The following DHRS7C variants were observed in gnomAD, a reference collection of about 807,000 sequenced individuals.
The protein encoded by DHRS7C is dehydrogenase/reductase SDR family member 7C.
A neutral mutation model predicts 29.6 loss-of-function variants in DHRS7C; 28 were observed. That is an observed-to-expected ratio of 0.95 (90% confidence interval 0.70 to 1.30). The LOEUF (loss-of-function observed/expected upper bound fraction) is 1.30. DHRS7C is among the 50% of genes most tolerant of loss of function. The pLI, the probability that DHRS7C is intolerant of heterozygous loss-of-function variation, is 0.00. For missense variants in DHRS7C, 403 were observed against 393.3 expected (o/e 1.02, Z -0.21); for synonymous variants, 158 against 160.2 (o/e 0.99, Z 0.10).
chr17:9,780,797 G>T (rs963201264), intron 2 of DHRS7C, among the ~76,000 whole-genome samples: 4 of 152,190 alleles, frequency 2.6e-5, no homozygotes, highest in African/African-American at 9.7e-5. Context: ...TGAAGAAACT[G>T]GACAAGCTTA....
At chr17:9,789,481 G>C (rs925934501) in intron 1 of DHRS7C, among the ~76,000 whole-genome samples, 12 of 152,112 alleles carry the variant, frequency 7.9e-5, no homozygotes, top group African/African-American at 2.9e-4. Context: ...AGGCTGCCTG[G>C]GTGAACAAAA....
rs777650681 is a variant in DHRS7C, at chr17:9,781,461, C to T, written c.267+21G>A. ...TGGGAGTTCCCAGGAGTTACCCACG[C>T]CTACTGCTAGAAGACCTTACCTTGC... On this transcript the variant is annotated intron_variant, in intron 2 of 5. Coordinates refer to ENST00000571134, the MANE Select transcript of DHRS7C (RefSeq NM_001105571.3). The T allele has an allele frequency of 2.2e-5, 35 of 1,611,608 alleles. No homozygotes were observed. In the Middle Eastern group the frequency reaches 6.6e-4, roughly 30 times the overall value.
intron 5 of DHRS7C, among the ~76,000 whole-genome samples, chr17:9,772,019 T>C (rs538915943): frequency 6.6e-6 from 1 of 152,278 alleles, no homozygotes; most frequent in South Asian, 2.1e-4. Context: ...CTGTTGTTTG[T>C]AACTGTCGTG....
At position 9,771,710 on chromosome 17, in the gene DHRS7C, G is replaced by T. The variant is rs757355590; in HGVS notation, c.728-14C>A. 9.0e-6 allele frequency: 13 copies of T among 1,445,704 alleles called. No homozygotes were observed. The South Asian group carries it at 1.7e-4, about 19-fold the overall frequency. The allele number at this position is 1,445,704 out of a possible 1,614,324, so 89.6% of individuals were successfully genotyped here. A position where few individuals can be genotyped will look rare whatever the true frequency, so the allele number is the denominator to read the frequency against. ...TCCTGAAAAAGACTGAAAGGCCCCA[G>T]TTGGGGGCGGGGGTTATGACCTCCG... On this transcript the variant is annotated splice_polypyrimidine_tract_variant and intron_variant, in intron 5 of 5. Coordinates refer to ENST00000571134, the MANE Select transcript of DHRS7C (RefSeq NM_001105571.3).
At chr17:9,781,913 G>A (rs1450015861) in intron 1 of DHRS7C, among the ~76,000 whole-genome samples, 1 of 152,170 alleles carries the variant, frequency 6.6e-6, no homozygotes, top group African/African-American at 2.4e-5. Context: ...CAGGACCGCA[G>A]CCCTAGAGAT....
rs1358536102 is a variant in DHRS7C at position 9,775,508 on chromosome 17, G to C, written c.571+1685C>G. 6.6e-6 allele frequency among the ~76,000 whole-genome samples: 1 copy of C among 152,186 alleles called. No homozygotes were observed. The highest frequency in any genetic ancestry group is 2.4e-5 in the African/African-American group (1 of 41,442). ...CACAGTCTCTTTCCTCTTCTTGCCA[G>C]CAGGGACCCAGTGGTGACCACACGG... On this transcript the variant is annotated intron_variant, in intron 4 of 5. Transcript: ENST00000571134. This position sits in a 1 kb window ranked among gnomAD's most constrained non-coding sequence, Gnocchi z 4.2.
At chr17:9,779,710 T>A in intron 3 of DHRS7C, 115 bp downstream of exon 3, 1 of 1,100,574 alleles carries the variant, frequency 9.1e-7, no homozygotes, top group Non-Finnish European at 1.3e-6. Flanking sequence ...GTAGGGAATT[T>A]TCTGAGGGGA....
chr17:9,783,144 G>T (rs1444019681), intron 1 of DHRS7C, among the ~76,000 whole-genome samples: 4 of 152,150 alleles, frequency 2.6e-5, no homozygotes, highest in African/African-American at 9.7e-5. Context: ...TCTCCATGAG[G>T]CCTTAAAACA....
intron 2 of DHRS7C, among the ~76,000 whole-genome samples, chr17:9,781,006 A>G (rs1597927122): frequency 6.6e-6 from 1 of 152,212 alleles, no homozygotes; most frequent in East Asian, 1.9e-4. Flanking sequence ...ATATATCCTG[A>G]AGGGAGCTCC....
intron 2 of DHRS7C, among the ~76,000 whole-genome samples, chr17:9,780,943 C>T (rs2066389691): frequency 6.6e-6 from 1 of 152,120 alleles, no homozygotes; most frequent in Admixed American, 6.5e-5. Context: ...TTAGACTTAC[C>T]TCCGAATTAC....
chr17:9,776,965 C>T (rs758850083), intron 4 of DHRS7C, among the ~76,000 whole-genome samples: 8 of 152,130 alleles, frequency 5.3e-5, no homozygotes, highest in Non-Finnish European at 1.2e-4. Context: ...GTGAGCTTCG[C>T]GGACAGAAGG....
Position 9,781,553 on chromosome 17 carries a change from G to A in DHRS7C, c.196C>T (p.Leu66=), listed in dbSNP as rs2066393073. 5 of 1,613,976 alleles carry A rather than the reference G, an allele frequency of 3.1e-6. No homozygotes were observed. The highest frequency in any genetic ancestry group is 4.2e-6 in the Non-Finnish European group (5 of 1,179,890). ...AGCCTCTCCCAGTTCTTTCCACACA[G>A]CACCAGCCTTGCCCCACCTGTGTGG... ...VFHTGGARLV[L]CGKNWERLEN... Residue 66 remains leucine (L), a synonymous_variant, in exon 2 of 6, where the codon CTG becomes TTG. Transcript: ENST00000571134.
At chr17:9,777,092 T>C (rs938309056) in intron 4 of DHRS7C, 101 bp downstream of exon 4, 64 of 1,003,156 alleles carry the variant, frequency 6.4e-5, no homozygotes, top group Non-Finnish European at 8.3e-5. Context: ...CCTTGGACCC[T>C]TTCCCCTGTG....
intron 3 of DHRS7C, among the ~76,000 whole-genome samples, chr17:9,777,648 A>T (rs1169568468): frequency 1.3e-5 from 2 of 151,990 alleles, no homozygotes; most frequent in East Asian, 3.9e-4. Context: ...GCACTCAAGT[A>T]GTGAGTACGG....
intron 1 of DHRS7C, among the ~76,000 whole-genome samples, chr17:9,788,870 G>T (rs1248532003): frequency 6.6e-6 from 1 of 152,130 alleles, no homozygotes; most frequent in Non-Finnish European, 1.5e-5. Flanking sequence ...TAAGTACCGG[G>T]ACTTTATTTT....
intron 2 of DHRS7C, among the ~76,000 whole-genome samples, chr17:9,780,404 T>C (rs918293283): frequency 2.0e-5 from 3 of 151,420 alleles, no homozygotes; most frequent in African/African-American, 7.3e-5. Context: ...TTTGTGGAAA[T>C]TGCTTTTCAA....
chr17:9,789,948 TC>T lies in DHRS7C; in HGVS notation c.154+1182del, dbSNP rs552417689. Among the ~76,000 whole-genome samples the T allele has an allele frequency of 1.9e-3, 284 of 152,270 alleles. 1 individual carries two copies. The highest frequency in any genetic ancestry group is 6.5e-3 in the African/African-American group (270 of 41,542). ...CTCTGGGAATTGTGTGTGAGACTCA[TC>T]TAGGGGCCACTTAGAGAGCCTAGTC... On this transcript the variant is annotated intron_variant, in intron 1 of 5. Coordinates refer to ENST00000571134, the MANE Select transcript of DHRS7C (RefSeq NM_001105571.3).
rs1249493359 is a variant in DHRS7C at position 9,774,629 on chromosome 17, G to C, written c.572-1707C>G. ...AGGAAAGAGATGTGTGCCTGCAGCA[G>C]GAGGGACACATGGCAGGCTGCCTTC... On this transcript the variant is annotated intron_variant, in intron 4 of 5. Coordinates refer to ENST00000571134, the MANE Select transcript of DHRS7C (RefSeq NM_001105571.3). This position sits in a 1 kb window ranked among gnomAD's most constrained non-coding sequence, Gnocchi z 5.0. 6.6e-6 allele frequency among the ~76,000 whole-genome samples: 1 copy of C among 152,162 alleles called. No individual in the cohort carries two copies. Among genetic ancestry groups the C allele is most frequent in the African/African-American group, 2.4e-5 (1 of 41,434 alleles).
chr17:9,772,689 G>T, intron 5 of DHRS7C, 78 bp downstream of exon 5: 1 of 1,528,568 alleles, frequency 6.5e-7, no homozygotes, highest in Non-Finnish European at 8.9e-7. Context: ...GTACCCATCT[G>T]AAGGTCATTC....
Sources: allele counts gnomAD v4.1 joint callset (sites outside exome capture counted in the v4.1 genomes callset), GRCh38; gene constraint gnomAD v4.1.1; non-coding constraint Gnocchi (gnomAD v3.1); transcripts MANE v1.5; gene names NCBI Gene and HGNC (gene_info 2026-07-23, HGNC 2026-07-21).